The following PRRX2 variants were observed in gnomAD, a reference collection of about 807,000 sequenced individuals.
PRRX2 encodes the protein paired related homeobox 2.
PRRX2 carries 11 observed loss-of-function variants against 18.0 expected under a neutral mutation model. The observed-to-expected ratio is 0.61, with a 90% CI of 0.39 to 1.01. The LOEUF is 1.01. Among genes scored for constraint, PRRX2 ranks in the 50% least tolerant of loss-of-function variants. The pLI is 0.01. For missense variants in PRRX2, 387 were observed against 351.0 expected (o/e 1.10, Z -0.82); for synonymous variants, 177 against 154.8 (o/e 1.14, Z -1.06).
At chr9:129,690,775 G>A (rs1564149017) in intron 1 of PRRX2, among the ~76,000 whole-genome samples, 1 of 151,650 alleles carries the variant, frequency 6.6e-6, no homozygotes, top group Non-Finnish European at 1.5e-5. Flanking sequence ...CAAAGTGCTG[G>A]GATTACAGGC....
chr9:129,674,827 G>A (rs1323688311), intron 1 of PRRX2, among the ~76,000 whole-genome samples: 2 of 152,148 alleles, frequency 1.3e-5, no homozygotes, highest in African/African-American at 4.8e-5. Flanking sequence ...AAGACAAGAA[G>A]GTTGGACATT....
intron 1 of PRRX2, among the ~76,000 whole-genome samples, chr9:129,708,001 T>C (rs1183278900): frequency 2.0e-5 from 3 of 152,104 alleles, no homozygotes; most frequent in Non-Finnish European, 4.4e-5. Flanking sequence ...GGTTCTAGTT[T>C]CTCCACTTCC....
chr9:129,681,628 A>C (rs886503575), intron 1 of PRRX2, among the ~76,000 whole-genome samples: 1 of 152,086 alleles, frequency 6.6e-6, no homozygotes, highest in Non-Finnish European at 1.5e-5. Context: ...AAAGTTGTGA[A>C]TGTCTTGGAT....
At chr9:129,676,589 G>A (rs1468344679) in intron 1 of PRRX2, among the ~76,000 whole-genome samples, 1 of 152,224 alleles carries the variant, frequency 6.6e-6, no homozygotes, top group Non-Finnish European at 1.5e-5. Context: ...GAGGCATTCA[G>A]AAGTGGGTCT....
chr9:129,703,277 C>T (rs4836667), intron 1 of PRRX2, among the ~76,000 whole-genome samples: 23,170 of 152,154 alleles, frequency 0.15, 1,975 homozygotes, highest in Middle Eastern at 0.26. Context: ...CCAATTAAGC[C>T]GCAGGAGTCT....
chr9:129,708,369 T>C (rs1372260985), intron 1 of PRRX2, among the ~76,000 whole-genome samples: 3 of 152,184 alleles, frequency 2.0e-5, no homozygotes, highest in Non-Finnish European at 4.4e-5. Context: ...ACTATCCTAG[T>C]GGGTGTGAAG....
chr9:129,670,365 T>C (rs998612192), intron 1 of PRRX2, among the ~76,000 whole-genome samples: 1 of 152,100 alleles, frequency 6.6e-6, no homozygotes, highest in Non-Finnish European at 1.5e-5. Context: ...ATGGTAGTTC[T>C]ACCTTTAATT....
At chr9:129,717,943 T>C (rs1832734775) in intron 1 of PRRX2, among the ~76,000 whole-genome samples, 1 of 152,112 alleles carries the variant, frequency 6.6e-6, no homozygotes, top group African/African-American at 2.4e-5. Context: ...TTTGGTTCCA[T>C]GTGGACTCAG....
chr9:129,670,518 G>A (rs1034518328), intron 1 of PRRX2, among the ~76,000 whole-genome samples: 11 of 152,080 alleles, frequency 7.2e-5, no homozygotes, highest in African/African-American at 2.4e-4. Flanking sequence ...AGGATTACAG[G>A]TGCGTGCCAC....
intron 1 of PRRX2, among the ~76,000 whole-genome samples, chr9:129,701,508 G>A (rs1832496778): frequency 6.6e-6 from 1 of 152,216 alleles, no homozygotes; most frequent in Non-Finnish European, 1.5e-5. Context: ...GATATGGTTG[G>A]GCAGGTTGTC....
chr9:129,672,538 C>G (rs1832112035), intron 1 of PRRX2, among the ~76,000 whole-genome samples: 1 of 152,196 alleles, frequency 6.6e-6, no homozygotes, highest in Non-Finnish European at 1.5e-5. Flanking sequence ...GTGGCCTGAC[C>G]AGGGATGTCC....
chr9:129,667,394 A>C (rs1235284162), intron 1 of PRRX2, among the ~76,000 whole-genome samples: 1 of 152,210 alleles, frequency 6.6e-6, no homozygotes, highest in Non-Finnish European at 1.5e-5. Flanking sequence ...CTGCCGGCCC[A>C]AGGTCATTTG....
intron 1 of PRRX2, among the ~76,000 whole-genome samples, chr9:129,711,136 C>T (rs1320169870): frequency 1.3e-5 from 2 of 152,144 alleles, no homozygotes; most frequent in Admixed American, 6.5e-5. Context: ...CCCAGCACCA[C>T]GAGGATCTTG....
At chr9:129,676,201 C>T (rs1355981006) in intron 1 of PRRX2, among the ~76,000 whole-genome samples, 2 of 152,090 alleles carry the variant, frequency 1.3e-5, no homozygotes, top group Non-Finnish European at 1.5e-5. Context: ...GGTCTGTTGG[C>T]GAGGGGTTGG....
rs1832595076 is a variant in PRRX2, at chr9:129,709,515, T to G, written c.260-9716T>G. Among the ~76,000 whole-genome samples, 1 of 152,136 alleles carries G rather than the reference T, an allele frequency of 6.6e-6. No individual in the cohort carries two copies. The highest frequency in any genetic ancestry group is 1.5e-5 in the Non-Finnish European group (1 of 68,010). ...CAGGTCAGAGCACGGCAGTCCCAGG[T>G]TGGGTGGCCCATGCCTCTCGCTCTT... On this transcript the variant is annotated intron_variant, in intron 1 of 3. Transcript: ENST00000372469. This position sits in a 1 kb window ranked among gnomAD's most constrained non-coding sequence, Gnocchi z 4.2.
rs1832096949 is a variant in PRRX2 at position 129,671,317 on chromosome 9, T to C, written c.259+5191T>C. 6.6e-6 allele frequency among the ~76,000 whole-genome samples: 1 copy of C among 152,200 alleles called. No individual in the cohort carries two copies. Among genetic ancestry groups the C allele is most frequent in the African/African-American group, 2.4e-5 (1 of 41,446 alleles). ...GGCTAGGGCGGGACAGTGGCCTGCA[T>C]CTCGGCCTTCTTTTCGCCAGGGAGG... is the stretch of plus-strand genomic sequence containing the variant. On this transcript the variant is annotated intron_variant, in intron 1 of 3. Coordinates refer to ENST00000372469, the MANE Select transcript of PRRX2 (RefSeq NM_016307.4). This position sits in a 1 kb window ranked among gnomAD's most constrained non-coding sequence, Gnocchi z 4.0.
intron 1 of PRRX2, among the ~76,000 whole-genome samples, chr9:129,700,176 G>A (rs1467242761): frequency 4.6e-5 from 7 of 152,298 alleles, no homozygotes; most frequent in African/African-American, 1.7e-4. Context: ...GGAAGATCTT[G>A]TTATCCCCAT....
rs1832169626 is a variant in PRRX2, at chr9:129,677,117, G to T, written c.259+10991G>T. Among the ~76,000 whole-genome samples the T allele has an allele frequency of 7.9e-5, 12 of 152,328 alleles. No individual in the cohort carries two copies. In the South Asian group the frequency reaches 2.5e-3, roughly 32 times the overall value. On this transcript the variant is annotated intron_variant, in intron 1 of 3. Transcript: ENST00000372469. ...CATGTGCGTGTTGTTTTGAGGCGTG[G>T]TGCTGGGAAAATCCCAGTGAACAGG...
chr9:129,670,919 CAGTG>C lies in PRRX2; in HGVS notation c.259+4796_259+4799del, dbSNP rs146246166. On this transcript the variant is annotated intron_variant, in intron 1 of 3. Transcript: ENST00000372469. ...CCTGGGACAAGGGGAGTCATGCAGT[CAGTG>C]AGCATTCTTTGGGGTGCTGGGATGC... is the stretch of plus-strand genomic sequence containing the variant. 5.1e-3 allele frequency among the ~76,000 whole-genome samples: 778 copies of C among 152,282 alleles called. 13 individuals carry two copies. Among genetic ancestry groups the C allele is most frequent in the African/African-American group, 0.018 (744 of 41,554 alleles).
Sources: gnomAD v4.1 joint callset for allele counts (sites outside exome capture counted in the v4.1 genomes callset) on GRCh38, gnomAD v4.1.1 for gene constraint, Gnocchi (gnomAD v3.1) non-coding constraint, MANE v1.5 for transcripts, NCBI Gene and HGNC (gene_info 2026-07-23, HGNC 2026-07-21) for gene names.